Variants in PAN3 observed in about 807,000 individuals in gnomAD.
The protein encoded by PAN3 is poly(A) specific ribonuclease subunit PAN3.
PAN3 carries 19 observed loss-of-function variants against 96.2 expected under a neutral mutation model. The observed-to-expected ratio is 0.20, with a 90% CI of 0.14 to 0.29. PAN3 has a LOEUF of 0.29. Among genes scored for constraint, PAN3 ranks in the 10% least tolerant of loss-of-function variants. The pLI, the probability that PAN3 is intolerant of heterozygous loss-of-function variation, is 1.00. For synonymous variants in PAN3, 433 were observed against 406.6 expected (o/e 1.06, Z -0.78); for missense variants, 882 against 1,108.1 (o/e 0.80, Z 2.90).
At chr13:28,232,953 G>A (rs1172059214) in intron 6 of PAN3, among the ~76,000 whole-genome samples, 1 of 152,016 alleles carries the variant, frequency 6.6e-6, no homozygotes, top group Non-Finnish European at 1.5e-5. Flanking sequence ...TACAGAACAA[G>A]TTTTTAGGTT....
At chr13:28,219,814 A>G (rs1047487694) in intron 5 of PAN3, among the ~76,000 whole-genome samples, 3 of 152,234 alleles carry the variant, frequency 2.0e-5, no homozygotes, top group Admixed American at 2.0e-4. Flanking sequence ...AAGTACCTAC[A>G]AAAAAGAAAG....
intron 15 of PAN3, among the ~76,000 whole-genome samples, chr13:28,279,637 G>A (rs562320316): frequency 2.0e-5 from 3 of 151,492 alleles, no homozygotes; most frequent in African/African-American, 7.2e-5. Flanking sequence ...GCGCACGCCT[G>A]TAGTCCCAGT....
intron 5 of PAN3, among the ~76,000 whole-genome samples, chr13:28,198,455 G>T (rs535183861): frequency 6.6e-6 from 1 of 152,238 alleles, no homozygotes; most frequent in East Asian, 1.9e-4. Flanking sequence ...AACTTCAATA[G>T]TATGTTGTCA....
intron 1 of PAN3, among the ~76,000 whole-genome samples, chr13:28,172,362 A>G (rs2138089489): frequency 6.6e-6 from 1 of 152,248 alleles, no homozygotes; most frequent in East Asian, 1.9e-4. Context: ...AGGCTGAGGC[A>G]AGAGAATGGT....
chr13:28,241,151 C>G (rs559066200), intron 6 of PAN3, among the ~76,000 whole-genome samples: 1 of 152,068 alleles, frequency 6.6e-6, no homozygotes, highest in East Asian at 1.9e-4. Flanking sequence ...ATCCAAGCTA[C>G]TAGGGAGGCT....
At chr13:28,172,080 T>G (rs1874378359) in intron 1 of PAN3, among the ~76,000 whole-genome samples, 1 of 152,166 alleles carries the variant, frequency 6.6e-6, no homozygotes, top group Admixed American at 6.5e-5. Flanking sequence ...GAAACAAGTT[T>G]TTTTAGGAGC....
rs567574524 is a variant in PAN3, at chr13:28,253,656, A to T, written c.1001-2636A>T. ...CGCTATGTTACCCAGACTGGAGCAC[A>T]GTGGCTGTTCATGGGCGCTTTGTGG... On this transcript the variant is annotated intron_variant, in intron 6 of 18. Coordinates refer to ENST00000380958, the MANE Select transcript of PAN3 (RefSeq NM_175854.8). 4.5e-4 allele frequency among the ~76,000 whole-genome samples: 68 copies of T among 150,488 alleles called. 1 individual carries two copies. In the South Asian group the frequency reaches 0.013, roughly 29 times the overall value.
At chr13:28,230,495 G>A (rs760744791) in intron 6 of PAN3, among the ~76,000 whole-genome samples, 1 of 151,904 alleles carries the variant, frequency 6.6e-6, no homozygotes, top group Non-Finnish European at 1.5e-5. Context: ...TAATATGTAT[G>A]TTTTTAAATT....
chr13:28,158,062 A>G (rs1019371229), intron 1 of PAN3, among the ~76,000 whole-genome samples: 3 of 152,202 alleles, frequency 2.0e-5, no homozygotes, highest in Non-Finnish European at 4.4e-5. Flanking sequence ...CAACCATCTG[A>G]TCTTCCACGG....
At chr13:28,174,749 G>A (rs1874742848) in intron 2 of PAN3, among the ~76,000 whole-genome samples, 2 of 152,110 alleles carry the variant, frequency 1.3e-5, no homozygotes, top group South Asian at 4.2e-4. Context: ...TTACAAAAGG[G>A]CCTCCCTCTC....
At chr13:28,276,735 A>G (rs1887089730) in intron 14 of PAN3, among the ~76,000 whole-genome samples, 1 of 152,200 alleles carries the variant, frequency 6.6e-6, no homozygotes, top group South Asian at 2.1e-4. Context: ...GTAATAGGAT[A>G]ACTTTTCTTC....
intron 6 of PAN3, among the ~76,000 whole-genome samples, chr13:28,249,995 G>A (rs1452387495): frequency 6.6e-6 from 1 of 152,092 alleles, no homozygotes; most frequent in African/African-American, 2.4e-5. Flanking sequence ...TTCTTCATTT[G>A]TAGATTGTAT....
intron 5 of PAN3, among the ~76,000 whole-genome samples, chr13:28,198,114 A>G (rs532960600): frequency 1.3e-5 from 2 of 152,080 alleles, no homozygotes; most frequent in South Asian, 4.2e-4. Flanking sequence ...CTCTACAAAT[A>G]TACAGAAAAG....
At chr13:28,270,179 A>G (rs1445297500) in intron 12 of PAN3, among the ~76,000 whole-genome samples, 1 of 152,242 alleles carries the variant, frequency 6.6e-6, no homozygotes, top group Non-Finnish European at 1.5e-5. Flanking sequence ...AAATATTATC[A>G]AAAACCACTT....
At chr13:28,286,917 T>C (rs1379142253) in intron 17 of PAN3, among the ~76,000 whole-genome samples, 1 of 152,184 alleles carries the variant, frequency 6.6e-6, no homozygotes, top group Non-Finnish European at 1.5e-5. Flanking sequence ...CTGTGTAGTC[T>C]GATCCCTACC....
intron 1 of PAN3, among the ~76,000 whole-genome samples, chr13:28,144,626 G>A (rs767293841): frequency 2.6e-5 from 4 of 151,860 alleles, no homozygotes; most frequent in Non-Finnish European, 5.9e-5. Context: ...GAGATCGGGC[G>A]TGTTCAGAGT....
chr13:28,157,951 T>C (rs1872423633), intron 1 of PAN3, among the ~76,000 whole-genome samples: 1 of 152,172 alleles, frequency 6.6e-6, no homozygotes, highest in African/African-American at 2.4e-5. Context: ...CAAACTATAC[T>C]TCAAGGCTGT....
At chr13:28,151,630 T>C (rs934958829) in intron 1 of PAN3, among the ~76,000 whole-genome samples, 1 of 152,068 alleles carries the variant, frequency 6.6e-6, no homozygotes, top group Admixed American at 6.6e-5. Context: ...GCATTGAAAA[T>C]GGCAAGAACT....
chr13:28,173,041 AT>A (rs1029719693), intron 1 of PAN3, among the ~76,000 whole-genome samples: 1 of 152,194 alleles, frequency 6.6e-6, no homozygotes, highest in African/African-American at 2.4e-5. Flanking sequence ...TGTGTCAGGA[AT>A]TCTCATTGGC....
Sources: gnomAD v4.1 joint callset for allele counts (sites outside exome capture counted in the v4.1 genomes callset) on GRCh38, gnomAD v4.1.1 for gene constraint, MANE v1.5 for transcripts, NCBI Gene and HGNC (gene_info 2026-07-23, HGNC 2026-07-21) for gene names.